PIR: variants seen among roughly 807,000 people sequenced by gnomAD.
PIR encodes the protein pirin (iron-binding nuclear protein).
In PIR, 22 loss-of-function variants were observed where a neutral mutation model predicts 24.2. The ratio of observed to expected loss-of-function variants is 0.91; its 90% CI spans 0.65 to 1.30. The LOEUF is 1.30. PIR is among the 50% of genes most tolerant of loss of function. The pLI is 0.00. For synonymous variants in PIR, 80 were observed against 79.6 expected, an observed-to-expected ratio of 1.00 and a Z score of -0.03; for missense variants, 220 against 220.3, an observed-to-expected ratio of 1.00 and a Z score of 0.01.
At chrX:15,488,278 C>CAAAAAAAAAAAAAAAAAAAA (rs1184870069) in intron 2 of PIR, among the ~76,000 whole-genome samples, 1 of 31,914 alleles carries the variant, frequency 3.1e-5, no homozygotes, top group Admixed American at 4.3e-4. Flanking sequence ...AACTCCGTCT[C>CAAAAAAAAAAAAAAAAAAAA]AAAAAAAAAA....
In PIR at chrX:15,421,876, T is replaced by C. The variant is rs1331283299; in HGVS notation, c.565+4030A>G. On this transcript the variant is annotated intron_variant, in intron 6 of 9. Transcript: ENST00000380420. Reference sequence around the variant, plus strand: ...CACAAGTCAATATTGCTGATGAACATAGATGCAAAAACTCTCAACAAAATA... The same window carrying C: ...CACAAGTCAATATTGCTGATGAACACAGATGCAAAAACTCTCAACAAAATA... 5.4e-5 allele frequency among the ~76,000 whole-genome samples: 6 copies of C among 111,199 alleles called. No homozygotes were observed. The Admixed American group carries it at 5.7e-4, about 11-fold the overall frequency.
intron 5 of PIR, among the ~76,000 whole-genome samples, chrX:15,448,870 T>C: frequency 8.9e-6 from 1 of 112,333 alleles, no homozygotes. Flanking sequence ...TGTTTTCGTA[T>C]TTCCTGTGTC....
Position 15,491,253 on chromosome X carries a change from C to G in PIR, c.5G>C (p.Gly2Ala). The G allele has an allele frequency of 8.4e-7, 1 of 1,184,888 alleles. No homozygotes were observed. The stretch of plus-strand genomic sequence containing the variant: ...TGAGAGAGTAACTTTCTTGGAGGAC[C>G]CCATATCGGAGTCTAAAAAGAGAGT... M[G>A]SSKKVTLSVL... is the part of the protein sequence containing the mutation. The change falls in exon 2 of 10, where the codon GGG becomes GCG. Residue 2 changes from glycine (G) to alanine (A), a missense_variant. Physicochemically the swap from Gly to Ala is moderately conservative, Grantham distance 60 (BLOSUM62 0). Coordinates refer to ENST00000380420, the MANE Select transcript of PIR (RefSeq NM_001018109.3).
At chrX:15,487,371 T>C (rs1363336332) in intron 2 of PIR, among the ~76,000 whole-genome samples, 1 of 111,324 alleles carries the variant, frequency 9.0e-6, no homozygotes, top group East Asian at 2.8e-4. Context: ...GAGATACAAA[T>C]TGAAATATTT....
intron 6 of PIR, chrX:15,407,764 CT>C: frequency 5.0e-6 from 2 of 400,162 alleles, no homozygotes; most frequent in South Asian, 8.7e-5. Flanking sequence ...ACCCCTAAAC[CT>C]AAATGACTTG....
intron 2 of PIR, among the ~76,000 whole-genome samples, chrX:15,484,181 G>A (rs1922662585): frequency 9.0e-6 from 1 of 110,727 alleles, no homozygotes. Flanking sequence ...AACTTAAAGA[G>A]TAGAGGCTGG....
At chrX:15,428,456 T>C (rs1925395534) in intron 5 of PIR, among the ~76,000 whole-genome samples, 2 of 112,025 alleles carry the variant, frequency 1.8e-5, no homozygotes, top group Non-Finnish European at 3.8e-5. Context: ...TTAAGCATCT[T>C]TTTCAACCTC....
chrX:15,439,608 T>A lies in PIR; in HGVS notation c.481-13618A>T, dbSNP rs762575607. ...TAAAGACTAATGATAAAAGGGAATG[T>A]GGGAAAAGAAAAGATAGATAAGGGA... is the stretch of plus-strand genomic sequence containing the variant. On this transcript the variant is annotated intron_variant, in intron 5 of 9. Coordinates refer to ENST00000380420, the MANE Select transcript of PIR (RefSeq NM_001018109.3). Among the ~76,000 whole-genome samples the A allele has an allele frequency of 4.5e-5, 5 of 111,702 alleles. No homozygotes were observed. In the East Asian group the frequency reaches 1.4e-3, roughly 31 times the overall value.
chrX:15,481,775 T>C (rs1330128001), intron 2 of PIR, among the ~76,000 whole-genome samples: 1 of 111,914 alleles, frequency 8.9e-6, no homozygotes, highest in Non-Finnish European at 1.9e-5. Context: ...TAGATGTTCA[T>C]ATCACCAGTG....
chrX:15,464,516 C>T, intron 3 of PIR: 1 of 517,873 alleles, frequency 1.9e-6, no homozygotes, highest in Non-Finnish European at 2.4e-6. Context: ...CAGTGAGACA[C>T]AAGGAGAAAC....
At chrX:15,427,206 C>T (rs1925345565) in intron 5 of PIR, among the ~76,000 whole-genome samples, 1 of 110,809 alleles carries the variant, frequency 9.0e-6, no homozygotes, top group Non-Finnish European at 1.9e-5. Flanking sequence ...AATTAGTTAT[C>T]TTGGGAAGGT....
rs367883464 is a variant in PIR at position 15,400,800 on chromosome X, G to A, written c.611-3269C>T. 5.8e-5 allele frequency among the ~76,000 whole-genome samples: 6 copies of A among 104,278 alleles called. No individual in the cohort carries two copies. In the East Asian group the frequency reaches 1.5e-3, roughly 26 times the overall value. The allele number at this position is 104,278 out of a possible 115,157, so 90.6% of individuals were successfully genotyped here. ...CTCTCTGTGTTGCCCAGACTGGAGT[G>A]CAGTGGCGCAATCTCAGCTCACTGC... On this transcript the variant is annotated intron_variant, in intron 7 of 9. Coordinates refer to ENST00000380420, the MANE Select transcript of PIR (RefSeq NM_001018109.3).
chrX:15,437,939 A>T (rs1271303703), intron 5 of PIR, among the ~76,000 whole-genome samples: 1 of 112,382 alleles, frequency 8.9e-6, no homozygotes, highest in Non-Finnish European at 1.9e-5. Context: ...TTTCCCTCTT[A>T]CGCAACCTTG....
intron 7 of PIR, among the ~76,000 whole-genome samples, chrX:15,398,102 T>G (rs868272593): frequency 6.4e-4 from 65 of 102,019 alleles, no homozygotes; most frequent in Non-Finnish European, 1.0e-3. Flanking sequence ...GACCCTTGGG[T>G]GGGGGTAGGG....
intron 5 of PIR, among the ~76,000 whole-genome samples, chrX:15,430,344 C>T (rs918302170): frequency 2.7e-5 from 3 of 111,780 alleles, no homozygotes; most frequent in African/African-American, 9.8e-5. Flanking sequence ...ATTTAGGAAA[C>T]TTTCCTTTAA....
rs370976922 is a variant in PIR at position 15,491,260 on chromosome X, C to A, written c.-3G>T. 20 of 1,165,224 alleles carry A rather than the reference C, an allele frequency of 1.7e-5. No homozygotes were observed. The highest frequency in any genetic ancestry group is 2.1e-5 in the Non-Finnish European group (18 of 857,027). On this transcript the variant is annotated 5_prime_UTR_variant, in exon 2 of 10. Coordinates refer to ENST00000380420, the MANE Select transcript of PIR (RefSeq NM_001018109.3). Reference sequence around the variant, plus strand: ...GTAACTTTCTTGGAGGACCCCATATCGGAGTCTAAAAAGAGAGTGTTCTGA... The same window carrying A: ...GTAACTTTCTTGGAGGACCCCATATAGGAGTCTAAAAAGAGAGTGTTCTGA...
chrX:15,478,168 T>C (rs956049818), intron 3 of PIR, among the ~76,000 whole-genome samples: 1 of 111,582 alleles, frequency 9.0e-6, no homozygotes, highest in African/African-American at 3.3e-5. Flanking sequence ...CAGAGAATGA[T>C]CTCAGCTGAA....
At chrX:15,436,741 C>A (rs1381685419) in intron 5 of PIR, among the ~76,000 whole-genome samples, 1 of 112,202 alleles carries the variant, frequency 8.9e-6, no homozygotes, top group Non-Finnish European at 1.9e-5. Flanking sequence ...TTTAAGAGTT[C>A]TTGTAGGAAA....
intron 5 of PIR, among the ~76,000 whole-genome samples, chrX:15,426,817 G>A (rs1187676935): frequency 8.9e-6 from 1 of 111,738 alleles, no homozygotes; most frequent in Non-Finnish European, 1.9e-5. Flanking sequence ...AAACACTTTG[G>A]GAAGCTGCTT....
Sources: gnomAD v4.1 joint callset for allele counts (sites outside exome capture counted in the v4.1 genomes callset) on GRCh38, gnomAD v4.1.1 for gene constraint, MANE v1.5 for transcripts, NCBI Gene and HGNC (gene_info 2026-07-23, HGNC 2026-07-21) for gene names.